The following MYT1L variants were observed in gnomAD, a reference collection of about 807,000 sequenced individuals.
MYT1L encodes the protein myelin transcription factor 1 like, also known as myelin transcription factor 1-like protein.
MYT1L carries 12 observed loss-of-function variants against 126.7 expected under a neutral mutation model. The ratio of observed to expected loss-of-function variants is 0.09; its 90% CI spans 0.06 to 0.15. The LOEUF (loss-of-function observed/expected upper bound fraction) is 0.15, where lower values mean the gene tolerates loss of function less well. MYT1L is among the 10% of genes least tolerant of loss of function. MYT1L has a pLI of 1.00. For missense variants in MYT1L, 979 were observed against 1,585.2 expected (o/e 0.62, Z 6.49); for synonymous variants, 541 against 604.2 (o/e 0.90, Z 1.53).
intron 8 of MYT1L, among the ~76,000 whole-genome samples, chr2:1,946,447 G>C (rs562333099): frequency 3.1e-4 from 47 of 152,204 alleles, no homozygotes; most frequent in African/African-American, 1.1e-3. Context: ...CGCTGCCCAG[G>C]AAGACACAAG....
At chr2:1,816,381 G>A (rs921664516) in intron 21 of MYT1L, 4 of 152,620 alleles carry the variant, frequency 2.6e-5, no homozygotes, top group East Asian at 1.9e-4. Context: ...CCTGGCTCAG[G>A]AGCAGAGCTC....
At chr2:2,290,819 G>A (rs2095587910) in intron 1 of MYT1L, among the ~76,000 whole-genome samples, 1 of 152,138 alleles carries the variant, frequency 6.6e-6, no homozygotes, top group Non-Finnish European at 1.5e-5. Context: ...AAGGTCCCCT[G>A]GTGATCCTGA....
At chr2:1,808,929 G>A (rs1048104105) in intron 22 of MYT1L, 147 bp downstream of exon 22, 23 of 692,044 alleles carry the variant, frequency 3.3e-5, no homozygotes, top group African/African-American at 1.4e-4. Flanking sequence ...AAGTTGCTTC[G>A]CTTTATAGAT....
At chr2:2,301,320 A>G (rs2149527398) in intron 1 of MYT1L, among the ~76,000 whole-genome samples, 1 of 152,286 alleles carries the variant, frequency 6.6e-6, no homozygotes, top group African/African-American at 2.4e-5. Context: ...TGAAACAGAC[A>G]TGGTGAAAAC....
At chr2:2,320,377 G>A (rs2096140838) in intron 1 of MYT1L, among the ~76,000 whole-genome samples, 1 of 151,724 alleles carries the variant, frequency 6.6e-6, no homozygotes, top group South Asian at 2.1e-4. Context: ...GGATGGACAG[G>A]GTTAAATTCA....
intron 2 of MYT1L, among the ~76,000 whole-genome samples, chr2:2,265,535 CAG>C (rs1381957107): frequency 1.3e-5 from 2 of 152,102 alleles, no homozygotes; most frequent in African/African-American, 2.4e-5. Flanking sequence ...ACAGTGGGTA[CAG>C]AGGGGACCAG....
intron 18 of MYT1L, among the ~76,000 whole-genome samples, chr2:1,875,882 G>C (rs929045175): frequency 2.6e-5 from 4 of 152,208 alleles, no homozygotes; most frequent in African/African-American, 9.7e-5. Flanking sequence ...GTGCAGCTGT[G>C]CTGGTGAACT....
intron 8 of MYT1L, among the ~76,000 whole-genome samples, chr2:1,947,885 T>C (rs1344145466): frequency 6.6e-6 from 1 of 152,214 alleles, no homozygotes; most frequent in African/African-American, 2.4e-5. Context: ...ATGTGAAACA[T>C]TTCACAAACA....
intron 3 of MYT1L, among the ~76,000 whole-genome samples, chr2:2,060,920 C>T (rs2070374802): frequency 6.6e-6 from 1 of 151,256 alleles, no homozygotes. Flanking sequence ...AGACAACATT[C>T]CAGGCTGATA....
intron 3 of MYT1L, among the ~76,000 whole-genome samples, chr2:2,165,787 ATAAG>A (rs555632768): frequency 1.3e-4 from 20 of 152,046 alleles, no homozygotes; most frequent in African/African-American, 3.1e-4. Context: ...GAAGAAGTAA[ATAAG>A]TAATAATAAA....
intron 13 of MYT1L, among the ~76,000 whole-genome samples, chr2:1,906,916 AAAT>A (rs562782935): frequency 2.7e-5 from 4 of 150,756 alleles, no homozygotes; most frequent in African/African-American, 4.9e-5. Flanking sequence ...TGTCTCTCCA[AAAT>A]AATAATAATA....
intron 2 of MYT1L, among the ~76,000 whole-genome samples, chr2:2,216,372 C>A (rs1235644103): frequency 6.6e-6 from 1 of 151,986 alleles, no homozygotes; most frequent in African/African-American, 2.4e-5. Context: ...GAAAATTACC[C>A]CCAAATATTT....
chr2:1,796,883 G>A (rs889786924), intron 23 of MYT1L, among the ~76,000 whole-genome samples: 1 of 152,186 alleles, frequency 6.6e-6, no homozygotes, highest in Non-Finnish European at 1.5e-5. Context: ...CGCTTGCCCA[G>A]GCCGTGCCCT....
At chr2:1,904,881 C>T (rs2050835231) in intron 13 of MYT1L, among the ~76,000 whole-genome samples, 1 of 151,514 alleles carries the variant, frequency 6.6e-6, no homozygotes, top group Non-Finnish European at 1.5e-5. Context: ...GCAAGCTCTG[C>T]CTCCCGGGTT....
chr2:2,062,168 C>G (rs1370128185), intron 3 of MYT1L, among the ~76,000 whole-genome samples: 1 of 152,236 alleles, frequency 6.6e-6, no homozygotes, highest in Non-Finnish European at 1.5e-5. Context: ...TTAGGAAATG[C>G]TTTACTGTCA....
At chr2:1,876,368 C>T (rs1004909185) in intron 18 of MYT1L, among the ~76,000 whole-genome samples, 3 of 152,062 alleles carry the variant, frequency 2.0e-5, no homozygotes, top group Admixed American at 1.3e-4. Context: ...GCGTGGCCTT[C>T]GTGCCATCCG....
In MYT1L at chr2:2,295,543, G is replaced by GAGAGATAGAGAGACAGACAGAC. The variant is rs1559582784; in HGVS notation, c.-520-11041_-520-11040insGTCTGTCTGTCTCTCTATCTCT. On this transcript the variant is annotated intron_variant, in intron 1 of 24. Coordinates refer to ENST00000647738, the MANE Select transcript of MYT1L (RefSeq NM_001303052.2). ...GAGGAGGTGCAGAGAAAGATAGAGA[G>GAGAGATAGAGAGACAGACAGAC]AGAGAGAGAGAGACAGACAGACAGA... Among the ~76,000 whole-genome samples, 62 of 124,698 alleles carry GAGAGATAGAGAGACAGACAGAC rather than the reference G, an allele frequency of 5.0e-4. 6 individuals carry two copies. The highest frequency in any genetic ancestry group is 5.0e-4 in the African/African-American group (18 of 36,116). 81.8% of individuals were successfully genotyped at this position (124,698 alleles called of 152,430 possible). A position where few individuals can be genotyped will look rare whatever the true frequency, so the allele number is the denominator to read the frequency against.
At chr2:2,127,276 G>A (rs755013986) in intron 3 of MYT1L, among the ~76,000 whole-genome samples, 15 of 151,946 alleles carry the variant, frequency 9.9e-5, no homozygotes, top group East Asian at 1.9e-4. Flanking sequence ...ATTAGACTTC[G>A]CTGCAGGTAC....
rs142633027 is a variant in MYT1L at position 2,177,907 on chromosome 2, T to C, written c.-420-4919A>G. 3.9e-3 allele frequency among the ~76,000 whole-genome samples: 600 copies of C among 152,286 alleles called. 4 individuals carry two copies. The highest frequency in any genetic ancestry group is 0.014 in the African/African-American group (572 of 41,560). On this transcript the variant is annotated intron_variant, in intron 2 of 24. Coordinates refer to ENST00000647738, the MANE Select transcript of MYT1L (RefSeq NM_001303052.2). ...TCTTATATTTACATGTGCATGTGTGTGAATACAGAGGAAGATGCCAGTGTG... is the reference window on the plus strand; with the variant it reads ...TCTTATATTTACATGTGCATGTGTGCGAATACAGAGGAAGATGCCAGTGTG...
Sources: gnomAD v4.1 joint callset for allele counts (sites outside exome capture counted in the v4.1 genomes callset) on GRCh38, gnomAD v4.1.1 for gene constraint, MANE v1.5 for transcripts, NCBI Gene and HGNC (gene_info 2026-07-23, HGNC 2026-07-21) for gene names.